LYPD8: variants seen among roughly 807,000 people sequenced by gnomAD.
LYPD8 encodes the protein ly6/PLAUR domain-containing protein 8.
In LYPD8, 8 loss-of-function variants were observed where a neutral mutation model predicts 1.7. The observed-to-expected ratio is 4.58, with a 90% CI of 2.69 to 8.27. The LOEUF (loss-of-function observed/expected upper bound fraction) is 8.27, where lower values mean the gene tolerates loss of function less well. Ranked by LOEUF, LYPD8 falls within the 30% of genes most tolerant of loss-of-function variation. LYPD8 has a pLI of 0.00. For synonymous variants in LYPD8, 50 were observed against 43.6 expected, an observed-to-expected ratio of 1.15 and a Z score of -0.58; for missense variants, 112 against 102.3, an observed-to-expected ratio of 1.09 and a Z score of -0.41.
intron 2 of LYPD8, among the ~76,000 whole-genome samples, chr1:248,753,836 TCA>T (rs1278213128): frequency 9.3e-4 from 116 of 124,952 alleles, no homozygotes; most frequent in Non-Finnish European, 1.4e-3. Context: ...ACATCACATG[TCA>T]CACACACATC....
intron 2 of LYPD8, among the ~76,000 whole-genome samples, chr1:248,753,600 C>A (rs1299013644): frequency 7.2e-6 from 1 of 139,434 alleles, no homozygotes; most frequent in African/African-American, 2.8e-5. Context: ...CAACACAACA[C>A]ACACACCACA....
At chr1:248,740,511 C>T (rs1481023726) in intron 6 of LYPD8, among the ~76,000 whole-genome samples, 1 of 152,266 alleles carries the variant, frequency 6.6e-6, no homozygotes, top group Admixed American at 6.5e-5. Flanking sequence ...TGAGCACTTA[C>T]TGTGAGCCCC....
At chr1:248,752,809 ACAC>A (rs1662832831) in intron 2 of LYPD8, among the ~76,000 whole-genome samples, 1 of 89,808 alleles carries the variant, frequency 1.1e-5, no homozygotes, top group African/African-American at 4.9e-5. Context: ...ACCCCACAAC[ACAC>A]ACACATCACA....
chr1:248,752,611 ACAC>A (rs1271592839), intron 2 of LYPD8, among the ~76,000 whole-genome samples: 8 of 128,800 alleles, frequency 6.2e-5, no homozygotes, highest in African/African-American at 2.0e-4. Context: ...CACACCCCAC[ACAC>A]ATCACACACA....
At chr1:248,751,548 T>A (rs1374900011) in intron 2 of LYPD8, among the ~76,000 whole-genome samples, 3 of 152,166 alleles carry the variant, frequency 2.0e-5, no homozygotes, top group African/African-American at 7.2e-5. Context: ...ACTTAAGGGT[T>A]CTGTTGCTGC....
At chr1:248,744,456 C>A (rs1048363729) in intron 6 of LYPD8, among the ~76,000 whole-genome samples, 16 of 152,096 alleles carry the variant, frequency 1.1e-4, no homozygotes, top group Non-Finnish European at 2.2e-4. Flanking sequence ...ACTGTTTGGG[C>A]AAATGTTAGA....
chr1:248,742,546 TG>T (rs1662626790), intron 6 of LYPD8, among the ~76,000 whole-genome samples: 1 of 69,544 alleles, frequency 1.4e-5, no homozygotes, highest in Non-Finnish European at 2.5e-5. Context: ...GATTATGCTC[TG>T]GTGGGGATGT....
chr1:248,753,019 ACCACACACC>A (rs1466794912), intron 2 of LYPD8, among the ~76,000 whole-genome samples: 1 of 96,656 alleles, frequency 1.0e-5, no homozygotes, highest in African/African-American at 4.4e-5. Flanking sequence ...TCATACACAC[ACCACACACC>A]CCACACACCA....
intron 6 of LYPD8, among the ~76,000 whole-genome samples, chr1:248,742,951 CGGGGG>C (rs1662641126): frequency 1.5e-5 from 1 of 66,726 alleles, no homozygotes. Context: ...TGTTGGCAGC[CGGGGG>C]AGATTATGCT....
chr1:248,740,108 A>T (rs1662562016), intron 6 of LYPD8, among the ~76,000 whole-genome samples: 1 of 152,200 alleles, frequency 6.6e-6, no homozygotes, highest in Admixed American at 6.5e-5. Context: ...CCTGGAGGTG[A>T]GTGGCAAGCC....
At chr1:248,744,280 T>C (rs782106278) in intron 6 of LYPD8, among the ~76,000 whole-genome samples, 1 of 152,212 alleles carries the variant, frequency 6.6e-6, no homozygotes, top group Non-Finnish European at 1.5e-5. Context: ...CTGAAGTGCC[T>C]GGGCTTGAGA....
intron 2 of LYPD8, among the ~76,000 whole-genome samples, chr1:248,753,977 A>G (rs1202158914): frequency 7.2e-6 from 1 of 139,530 alleles, no homozygotes; most frequent in African/African-American, 2.8e-5. Context: ...GACACACACC[A>G]CACACTCCAC....
chr1:248,745,753 T>G (rs960969364), intron 5 of LYPD8, among the ~76,000 whole-genome samples: 136,775 of 152,230 alleles, frequency 0.9, 63,157 homozygotes, highest in Non-Finnish European at 1. Flanking sequence ...AAACTTTGCC[T>G]TTTCAGCCAC....
At chr1:248,746,332 G>C (rs1012387674) in intron 5 of LYPD8, among the ~76,000 whole-genome samples, 3 of 152,284 alleles carry the variant, frequency 2.0e-5, no homozygotes, top group Non-Finnish European at 4.4e-5. Context: ...AGTCCCTCTC[G>C]CACAACTTGC....
rs1413236258 is a variant in LYPD8 at position 248,753,516 on chromosome 1, T to A, written c.-50+1723A>T. The stretch of plus-strand genomic sequence containing the variant: ...CACAACACACAACACAACACACACA[T>A]CACACACCCCACACAACACACCACA... On this transcript the variant is annotated intron_variant, in intron 2 of 6. Coordinates refer to ENST00000590317, the MANE Select transcript of LYPD8 (RefSeq NM_001085474.2). Among the ~76,000 whole-genome samples the A allele has an allele frequency of 8.5e-3, 398 of 46,832 alleles. 10 individuals are homozygous for A. Among genetic ancestry groups the A allele is most frequent in the East Asian group, 0.022 (22 of 990 alleles). The allele number at this position is 46,832 out of a possible 152,430, so 30.7% of individuals were successfully genotyped here.
At chr1:248,753,354 ACACACACATCACATACACACCACACAC>A (rs1662862565) in intron 2 of LYPD8, among the ~76,000 whole-genome samples, 1 of 89,636 alleles carries the variant, frequency 1.1e-5, no homozygotes, top group Non-Finnish European at 2.3e-5. Context: ...ACACCACACA[ACACACACATCACATACACACCACACAC>A]CACACACAAC....
intron 5 of LYPD8, 33 bp from the exon 6 acceptor site, chr1:248,745,312 G>A (rs1473583124): frequency 7.5e-6 from 3 of 398,342 alleles, no homozygotes; most frequent in African/African-American, 2.1e-5. Context: ...TCAGGACAGT[G>A]TTATCATACA....
At chr1:248,746,622 ACGGC>A (rs1662732112) in intron 5 of LYPD8, among the ~76,000 whole-genome samples, 29 of 127,096 alleles carry the variant, frequency 2.3e-4, no homozygotes, top group Admixed American at 8.1e-5. Context: ...CATCCCCCGC[ACGGC>A]CAGCACCCAC....
intron 6 of LYPD8, among the ~76,000 whole-genome samples, chr1:248,742,213 G>A (rs1269398191): frequency 1.4e-4 from 18 of 125,706 alleles, no homozygotes; most frequent in African/African-American, 4.7e-4. Context: ...TGTTGGCAGC[G>A]GGGGAGATTA....
Sources: allele counts gnomAD v4.1 joint callset (sites outside exome capture counted in the v4.1 genomes callset), GRCh38; gene constraint gnomAD v4.1.1; transcripts MANE v1.5; gene names NCBI Gene and HGNC (gene_info 2026-07-23, HGNC 2026-07-21).